Variants in PARP8 observed in about 807,000 individuals in gnomAD.
PARP8 encodes protein mono-ADP-ribosyltransferase PARP8.
PARP8 carries 51 observed loss-of-function variants against 124.1 expected under a neutral mutation model. The ratio of observed to expected loss-of-function variants is 0.41; its 90% CI spans 0.33 to 0.52. PARP8 has a LOEUF of 0.52. Ranked by LOEUF, PARP8 falls within the 20% of genes least tolerant of loss-of-function variation. PARP8 has a pLI of 0.21. For synonymous variants in PARP8, 391 were observed against 361.5 expected (o/e 1.08, Z -0.93); for missense variants, 860 against 1,018.9 (o/e 0.84, Z 2.12).
rs144167941 is a variant in PARP8, at chr5:50,838,552, C to CT, written c.2463-3410dup. ...CCATTTAGAGTTAACTAGGATTAATCTTTTGGTGTACAGCCTACATTCCTA... is the reference window on the plus strand; with the variant it reads ...CCATTTAGAGTTAACTAGGATTAATCTTTTTGGTGTACAGCCTACATTCCTA... On this transcript the variant is annotated intron_variant, in intron 25 of 25. Coordinates refer to ENST00000281631, the MANE Select transcript of PARP8 (RefSeq NM_024615.4). Among the ~76,000 whole-genome samples the CT allele has an allele frequency of 8.0e-3, 1,214 of 152,112 alleles. 15 individuals are homozygous for CT. Among genetic ancestry groups the CT allele is most frequent in the East Asian group, 0.057 (295 of 5,172 alleles).
In PARP8 at chr5:50,832,782, G is replaced by T. The variant is rs1344891212; in HGVS notation, c.2235G>T (p.Gly745=). Residue 745 remains glycine (G), a splice_region_variant and synonymous_variant, in exon 23 of 26, where the codon GGG becomes GGT. Transcript: ENST00000281631. ...TTATTATTTTGCCGATGTTTTCAGGGATGAACAAGAAACAGAAGGTGTCAG... is the reference window on the plus strand; with the variant it reads ...TTATTATTTTGCCGATGTTTTCAGGTATGAACAAGAAACAGAAGGTGTCAG... ...PMSSISFGYS[G]MNKKQKVSAK... The T allele has an allele frequency of 6.2e-7, 1 of 1,613,290 alleles. No homozygotes were observed. Among genetic ancestry groups the T allele is most frequent in the Admixed American group, 1.7e-5 (1 of 59,928 alleles).
intron 2 of PARP8, among the ~76,000 whole-genome samples, chr5:50,701,604 A>C (rs771422635): frequency 1.8e-4 from 28 of 152,250 alleles, no homozygotes; most frequent in Non-Finnish European, 2.2e-4. Context: ...GACTAATAAG[A>C]TTGGTTCTTT....
intron 2 of PARP8, among the ~76,000 whole-genome samples, chr5:50,716,232 T>G (rs1561282332): frequency 6.6e-6 from 1 of 152,130 alleles, no homozygotes; most frequent in Non-Finnish European, 1.5e-5. Flanking sequence ...GACTATGATG[T>G]GGCATAGAGT....
rs566519400 is a variant in PARP8 at position 50,774,117 on chromosome 5, T to C, written c.519-3952T>C. On this transcript the variant is annotated intron_variant, in intron 7 of 25. Coordinates refer to ENST00000281631, the MANE Select transcript of PARP8 (RefSeq NM_024615.4). ...TGCCCTTAATGCATTTAACCCTGAG[T>C]TGACACAGCACATGTTTCAGAGAGC... Among the ~76,000 whole-genome samples, 3 of 152,276 alleles carry C rather than the reference T, an allele frequency of 2.0e-5. No homozygotes were observed. In the South Asian group the frequency reaches 6.2e-4, roughly 32 times the overall value.
At chr5:50,779,392 G>C (rs1740411563) in intron 9 of PARP8, among the ~76,000 whole-genome samples, 1 of 152,116 alleles carries the variant, frequency 6.6e-6, no homozygotes, top group African/African-American at 2.4e-5. Flanking sequence ...GGGTGGGGCT[G>C]GGGCCAAATC....
intron 9 of PARP8, among the ~76,000 whole-genome samples, chr5:50,782,496 C>T (rs1290234476): frequency 1.3e-5 from 2 of 152,030 alleles, no homozygotes; most frequent in African/African-American, 4.8e-5. Context: ...AAAAAGGAAC[C>T]TTTAACTTAT....
intron 7 of PARP8, among the ~76,000 whole-genome samples, chr5:50,772,524 A>G (rs976290832): frequency 1.2e-4 from 18 of 151,952 alleles, no homozygotes; most frequent in Non-Finnish European, 2.6e-4. Flanking sequence ...TTATTTTTTA[A>G]TCTTTTTGCT....
intron 14 of PARP8, among the ~76,000 whole-genome samples, chr5:50,814,912 G>A (rs189541430): frequency 8.7e-4 from 133 of 152,144 alleles, no homozygotes; most frequent in African/African-American, 3.0e-3. Context: ...GTCAATAACC[G>A]TTTCGTTTGC....
chr5:50,828,030 A>C lies in PARP8; in HGVS notation c.2064A>C (p.Lys688Asn), dbSNP rs1363785132. The C allele has an allele frequency of 6.2e-7, 1 of 1,611,602 alleles. No individual in the cohort carries two copies. Among genetic ancestry groups the C allele is most frequent in the Admixed American group, 1.7e-5 (1 of 59,932 alleles). ...AKESNFRAAK[K>N]LFGSTFAFHG... ...AATCCAATTTTAGAGCTGCTAAAAA[A>C]CTCTTTGGAAGCACCTTTGCATTTC... Residue 688 changes from lysine (K) to asparagine (N), a missense_variant, in exon 20 of 26, where the codon AAA (lysine) becomes AAC (asparagine). Lys to Asn is a moderately conservative substitution (Grantham distance 94, BLOSUM62 0). This residue lies in a region of PARP8 where 343 missense variants were observed against 474.7 expected (regional missense o/e 0.72). Transcript: ENST00000281631.
chr5:50,781,919 C>G (rs1279967637), intron 9 of PARP8, among the ~76,000 whole-genome samples: 1 of 152,186 alleles, frequency 6.6e-6, no homozygotes, highest in Non-Finnish European at 1.5e-5. Flanking sequence ...CCTCGTCTCA[C>G]TTGTTCTTAT....
chr5:50,771,772 G>A (rs1383553304), intron 7 of PARP8, among the ~76,000 whole-genome samples: 1 of 152,148 alleles, frequency 6.6e-6, no homozygotes, highest in Non-Finnish European at 1.5e-5. Context: ...GGTTTACAGT[G>A]TGATGTTTCA....
intron 2 of PARP8, among the ~76,000 whole-genome samples, chr5:50,685,632 T>A (rs1751774927): frequency 6.6e-6 from 1 of 152,236 alleles, no homozygotes; most frequent in South Asian, 2.1e-4. Context: ...GGTCTCTTTC[T>A]GTAGCCCAAG....
chr5:50,813,756 G>A (rs1413902250), intron 14 of PARP8, among the ~76,000 whole-genome samples: 1 of 152,010 alleles, frequency 6.6e-6, no homozygotes, highest in Admixed American at 6.6e-5. Context: ...ATTATTTTGA[G>A]ATACACAATT....
At chr5:50,709,786 C>G (rs1580049615) in intron 2 of PARP8, among the ~76,000 whole-genome samples, 1 of 149,034 alleles carries the variant, frequency 6.7e-6, no homozygotes, top group East Asian at 2.0e-4. Context: ...ACCAAGGAAC[C>G]AAAAGAGAGA....
intron 2 of PARP8, among the ~76,000 whole-genome samples, chr5:50,704,538 G>T (rs1753933174): frequency 1.3e-5 from 2 of 152,094 alleles, no homozygotes; most frequent in Non-Finnish European, 2.9e-5. Context: ...TCCCCCAAAT[G>T]GTAGCCACTA....
intron 14 of PARP8, among the ~76,000 whole-genome samples, chr5:50,812,672 C>T (rs1262549023): frequency 2.6e-5 from 4 of 152,050 alleles, no homozygotes; most frequent in African/African-American, 9.7e-5. Flanking sequence ...CTTGCCCATG[C>T]CTATGTCCTG....
At chr5:50,804,441 C>T (rs1168292272) in intron 14 of PARP8, among the ~76,000 whole-genome samples, 1 of 152,122 alleles carries the variant, frequency 6.6e-6, no homozygotes, top group Admixed American at 6.6e-5. Context: ...ACCCTTTTCC[C>T]ATTTGCCCCA....
intron 3 of PARP8, among the ~76,000 whole-genome samples, chr5:50,755,621 T>C (rs1425750138): frequency 2.0e-5 from 3 of 152,232 alleles, no homozygotes; most frequent in Non-Finnish European, 4.4e-5. Context: ...GTTTGATGCC[T>C]CCAGCTTTGC....
chr5:50,759,579 T>A, intron 3 of PARP8, 64 bp from the exon 4 acceptor site: 1 of 1,470,454 alleles, frequency 6.8e-7, no homozygotes, highest in Non-Finnish European at 9.0e-7. Flanking sequence ...TTAGCTATTA[T>A]TTTTGTAAAG....
Sources: gnomAD v4.1 joint callset for allele counts (sites outside exome capture counted in the v4.1 genomes callset) on GRCh38, gnomAD v4.1.1 for gene constraint, gnomAD v4.1.1 regional missense constraint, MANE v1.5 for transcripts, NCBI Gene and HGNC (gene_info 2026-07-23, HGNC 2026-07-21) for gene names.